RIMS1: variants seen among roughly 807,000 people sequenced by gnomAD.
The protein encoded by RIMS1 is regulating synaptic membrane exocytosis protein 1.
In RIMS1, 83 loss-of-function variants were observed where a neutral mutation model predicts 214.1. The ratio of observed to expected loss-of-function variants is 0.39; its 90% CI spans 0.32 to 0.47. The LOEUF (loss-of-function observed/expected upper bound fraction) is 0.47. RIMS1 is among the 20% of genes least tolerant of loss of function. The pLI, the probability that RIMS1 is intolerant of heterozygous loss-of-function variation, is 0.99. For missense variants in RIMS1, 2,050 were observed against 2,161.8 expected (o/e 0.95, Z 1.03); for synonymous variants, 793 against 786.8 (o/e 1.01, Z -0.13).
At chr6:72,254,993 A>G (rs867171603) in intron 16 of RIMS1, among the ~76,000 whole-genome samples, 1 of 142,674 alleles carries the variant, frequency 7.0e-6, no homozygotes, top group Non-Finnish European at 1.5e-5. Flanking sequence ...TATAAAACTG[A>G]TAAGTAATAT....
intron 1 of RIMS1, among the ~76,000 whole-genome samples, chr6:71,903,348 T>C (rs1420384870): frequency 6.6e-6 from 1 of 152,158 alleles, no homozygotes; most frequent in Admixed American, 6.6e-5. Flanking sequence ...TCTGTTCATG[T>C]CCTTTGCCCA....
At chr6:72,180,688 T>C (rs2048293832) in intron 5 of RIMS1, among the ~76,000 whole-genome samples, 1 of 152,234 alleles carries the variant, frequency 6.6e-6, no homozygotes, top group Non-Finnish European at 1.5e-5. Context: ...GACAGAGCCC[T>C]TATCTTCATG....
At chr6:72,142,884 T>C (rs2042242833) in intron 4 of RIMS1, among the ~76,000 whole-genome samples, 2 of 152,162 alleles carry the variant, frequency 1.3e-5, no homozygotes, top group African/African-American at 2.4e-5. Context: ...TTTAACCTAG[T>C]ATATGAAGTA....
At chr6:72,129,023 T>A (rs183484785) in intron 4 of RIMS1, among the ~76,000 whole-genome samples, 232 of 152,328 alleles carry the variant, frequency 1.5e-3, no homozygotes, top group Non-Finnish European at 2.9e-3. Context: ...ATTTCATTAC[T>A]GCCTTTAACA....
chr6:72,143,318 G>A (rs79636481), intron 4 of RIMS1, among the ~76,000 whole-genome samples: 1,862 of 152,270 alleles, frequency 0.012, 11 homozygotes, highest in Non-Finnish European at 0.017. Context: ...ATTTCAATTT[G>A]AGCCATATCA....
At chr6:72,400,421 G>A in intron 33 of RIMS1, 75 bp from the exon 34 acceptor site, 1 of 1,260,096 alleles carries the variant, frequency 7.9e-7, no homozygotes, top group Non-Finnish European at 1.2e-6. Context: ...CACTTTTACA[G>A]CATAGTTGCT....
intron 2 of RIMS1, among the ~76,000 whole-genome samples, chr6:72,071,414 A>G (rs1289806247): frequency 2.6e-5 from 4 of 152,164 alleles, no homozygotes; most frequent in Admixed American, 1.3e-4. Context: ...TAAAAAACAA[A>G]GAAAGAAAGA....
intron 29 of RIMS1, among the ~76,000 whole-genome samples, chr6:72,365,140 T>C (rs554414351): frequency 1.3e-5 from 2 of 152,382 alleles, no homozygotes; most frequent in South Asian, 4.1e-4. Flanking sequence ...AAAAGTGCTC[T>C]TTGCCCAACC....
At chr6:72,122,642 C>T (rs2038650537) in intron 4 of RIMS1, among the ~76,000 whole-genome samples, 1 of 151,664 alleles carries the variant, frequency 6.6e-6, no homozygotes, top group African/African-American at 2.4e-5. Flanking sequence ...TAATTATTGC[C>T]TCAATTTCAG....
chr6:72,029,927 G>T (rs1439571944), intron 2 of RIMS1, among the ~76,000 whole-genome samples: 1 of 152,056 alleles, frequency 6.6e-6, no homozygotes, highest in African/African-American at 2.4e-5. Context: ...GAGCTAATGG[G>T]AACTAGAAAT....
chr6:72,154,618 G>A (rs2044199923), intron 4 of RIMS1, among the ~76,000 whole-genome samples: 1 of 140,718 alleles, frequency 7.1e-6, no homozygotes, highest in Non-Finnish European at 1.6e-5. Flanking sequence ...ACTACCCACA[G>A]ATAAGAGTAC....
intron 29 of RIMS1, among the ~76,000 whole-genome samples, chr6:72,350,471 T>C (rs2097407678): frequency 6.6e-6 from 1 of 152,158 alleles, no homozygotes; most frequent in Non-Finnish European, 1.5e-5. Context: ...TGTGCTTTTC[T>C]TTTCATATTC....
intron 2 of RIMS1, among the ~76,000 whole-genome samples, chr6:72,071,697 A>G (rs952337465): frequency 6.6e-6 from 1 of 152,200 alleles, no homozygotes; most frequent in Non-Finnish European, 1.5e-5. Context: ...GGACCTATAA[A>G]TAGAAGTATA....
At chr6:71,889,840 GT>G in intron 1 of RIMS1, among the ~76,000 whole-genome samples, 1 of 152,106 alleles carries the variant, frequency 6.6e-6, no homozygotes, top group East Asian at 1.9e-4. Context: ...TCAGAGAAAA[GT>G]TTTTGTGGTA....
chr6:72,388,727 A>T (rs369917752), intron 29 of RIMS1, among the ~76,000 whole-genome samples: 1 of 152,120 alleles, frequency 6.6e-6, no homozygotes, highest in Non-Finnish European at 1.5e-5. Flanking sequence ...TCGCTGATGG[A>T]TTGGGTGTGG....
At chr6:72,255,450 A>G (rs1023318779) in intron 16 of RIMS1, among the ~76,000 whole-genome samples, 5 of 152,196 alleles carry the variant, frequency 3.3e-5, no homozygotes, top group Admixed American at 1.3e-4. Flanking sequence ...TGGCTTTTCT[A>G]GAACACGAAA....
At chr6:72,211,317 C>A (rs1475714001) in intron 6 of RIMS1, among the ~76,000 whole-genome samples, 2 of 152,144 alleles carry the variant, frequency 1.3e-5, no homozygotes, top group Admixed American at 1.3e-4. Context: ...TCTACCTGGG[C>A]AGTCTTCATT....
At chr6:72,205,711 C>G (rs558739630) in intron 6 of RIMS1, among the ~76,000 whole-genome samples, 24 of 152,162 alleles carry the variant, frequency 1.6e-4, no homozygotes, top group Admixed American at 8.5e-4. Flanking sequence ...GTGATTGCAT[C>G]ACAAAGAGTA....
chr6:71,958,503 TA>T (rs1284581051), intron 1 of RIMS1, among the ~76,000 whole-genome samples: 2 of 152,080 alleles, frequency 1.3e-5, no homozygotes, highest in African/African-American at 4.8e-5. Context: ...TTGAAAGGAC[TA>T]AAAATTAAAG....
Sources: allele counts gnomAD v4.1 joint callset (sites outside exome capture counted in the v4.1 genomes callset), GRCh38; gene constraint gnomAD v4.1.1; transcripts MANE v1.5; gene names NCBI Gene and HGNC (gene_info 2026-07-23, HGNC 2026-07-21).